The following BTBD8 variants were observed in gnomAD, a reference collection of about 807,000 sequenced individuals.
The protein encoded by BTBD8 is BTB/POZ domain-containing protein 8.
In BTBD8, 110 loss-of-function variants were observed where a neutral mutation model predicts 162.9. That is an observed-to-expected ratio of 0.68 (90% CI 0.58 to 0.79). BTBD8 has a LOEUF of 0.79. Among genes scored for constraint, BTBD8 ranks in the 30% least tolerant of loss-of-function variants. The pLI is 0.00. For missense variants in BTBD8, 1,905 were observed against 2,085.4 expected (o/e 0.91, Z 1.68); for synonymous variants, 667 against 716.1 (o/e 0.93, Z 1.10).
chr1:92,143,538 TTTGC>T (rs1557455036), intron 7 of BTBD8, among the ~76,000 whole-genome samples: 1 of 152,142 alleles, frequency 6.6e-6, no homozygotes, highest in Non-Finnish European at 1.5e-5. Context: ...GAGACAGAGT[TTTGC>T]TCTTGTTGCC....
intron 4 of BTBD8, among the ~76,000 whole-genome samples, chr1:92,129,242 C>T (rs1649445536): frequency 6.6e-6 from 1 of 152,046 alleles, no homozygotes; most frequent in South Asian, 2.1e-4. Flanking sequence ...TAAATCCCAG[C>T]ACTTCAGGAA....
chr1:92,117,241 T>G (rs1649067483), intron 4 of BTBD8, among the ~76,000 whole-genome samples: 1 of 152,048 alleles, frequency 6.6e-6, no homozygotes, highest in East Asian at 1.9e-4. Context: ...ATGTTCACAT[T>G]TTGCTGCTGC....
chr1:92,178,144 G>C (rs1412729753), intron 15 of BTBD8, among the ~76,000 whole-genome samples, 168 bp from the exon 16 acceptor site: 1 of 151,888 alleles, frequency 6.6e-6, no homozygotes, highest in South Asian at 2.1e-4. Context: ...TATTATACTT[G>C]ATCTACAGTT....
chr1:92,167,004 T>A lies in BTBD8; in HGVS notation c.1169T>A (p.Ile390Asn). The change falls in exon 10 of 18, where the codon ATC (isoleucine) becomes AAC (asparagine). Residue 390 changes from isoleucine (I) to asparagine (N), a missense_variant. Transcript: ENST00000636805. ...CTTCTGATGGAAAGTGACAGGCTAA[T>A]CATCAGTTTACCCAGAGTGAAGTGG... is the stretch of plus-strand genomic sequence containing the variant. Reference protein sequence around the residue: ...AFLLMESDRLIISLPRVKWTE... With the variant: ...AFLLMESDRLNISLPRVKWTE... 5.8e-6 allele frequency: 9 copies of A among 1,550,588 alleles called. No individual in the cohort carries two copies. Among genetic ancestry groups the A allele is most frequent in the Non-Finnish European group, 7.8e-6 (9 of 1,146,932 alleles).
chr1:92,081,628 C>T (rs1422770571), intron 1 of BTBD8, among the ~76,000 whole-genome samples: 1 of 152,106 alleles, frequency 6.6e-6, no homozygotes, highest in Admixed American at 6.5e-5. Flanking sequence ...GGCTGGAGCG[C>T]CGTGGCGCGA....
chr1:92,166,835 A>G (rs1650398572), intron 9 of BTBD8, 123 bp from the exon 10 acceptor site: 1 of 885,640 alleles, frequency 1.1e-6, no homozygotes, highest in East Asian at 2.7e-5. Flanking sequence ...CAAAGACATT[A>G]GCTACCTGGA....
At chr1:92,112,858 G>A (rs915461202) in intron 4 of BTBD8, among the ~76,000 whole-genome samples, 1 of 152,148 alleles carries the variant, frequency 6.6e-6, no homozygotes, top group Non-Finnish European at 1.5e-5. Flanking sequence ...TGGAATTAAA[G>A]CAAATAAATA....
chr1:92,124,810 T>C (rs114900806), intron 4 of BTBD8, among the ~76,000 whole-genome samples: 2,027 of 152,308 alleles, frequency 0.013, 21 homozygotes, highest in Non-Finnish European at 0.021. Context: ...AAAGAAAATA[T>C]CTTTCTTGTC....
chr1:92,087,159 CTG>C (rs1228583787), intron 1 of BTBD8, among the ~76,000 whole-genome samples: 3 of 152,088 alleles, frequency 2.0e-5, no homozygotes, highest in Non-Finnish European at 2.9e-5. Context: ...ATAAAAAACA[CTG>C]TATTTTCACA....
chr1:92,168,665 T>C (rs1175996822), intron 11 of BTBD8, among the ~76,000 whole-genome samples: 1 of 152,234 alleles, frequency 6.6e-6, no homozygotes. Context: ...GTTGAAAAGA[T>C]GAGATTTTTT....
Position 92,141,095 on chromosome 1 carries a change from T to C in BTBD8, c.834-20T>C. 1 of 1,528,876 alleles carries C rather than the reference T, an allele frequency of 6.5e-7. No homozygotes were observed. The allele number at this position is 1,528,876 out of a possible 1,614,324, so 94.7% of individuals were successfully genotyped here. A position where few individuals can be genotyped will look rare whatever the true frequency, so the allele number is the denominator to read the frequency against. ...GATTTTTAAATTGGAGAATTAACAG[T>C]GCATCTATTTTTATTTTAGTCAGAT... On this transcript the variant is annotated intron_variant, in intron 6 of 17. Coordinates refer to ENST00000636805, the MANE Select transcript of BTBD8 (RefSeq NM_001376131.1).
At chr1:92,169,553 A>G (rs761171464) in intron 12 of BTBD8, among the ~76,000 whole-genome samples, 2 of 152,148 alleles carry the variant, frequency 1.3e-5, no homozygotes, top group Non-Finnish European at 2.9e-5. Context: ...CAAAAGATGT[A>G]TATTGCTCAG....
chr1:92,155,588 A>C (rs554445293), intron 9 of BTBD8, among the ~76,000 whole-genome samples: 24 of 152,214 alleles, frequency 1.6e-4, no homozygotes, highest in African/African-American at 5.8e-4. Flanking sequence ...TACAGGCATA[A>C]GCCACTGTGC....
At chr1:92,158,931 A>AT (rs954501313) in intron 9 of BTBD8, among the ~76,000 whole-genome samples, 6 of 151,912 alleles carry the variant, frequency 3.9e-5, no homozygotes, top group Admixed American at 6.6e-5. Context: ...TAACTTTTGT[A>AT]TTTTTTGTAG....
At chr1:92,133,416 G>C (rs1009886577) in intron 5 of BTBD8, among the ~76,000 whole-genome samples, 4 of 152,182 alleles carry the variant, frequency 2.6e-5, no homozygotes, top group Non-Finnish European at 5.9e-5. Context: ...AGAGAGAAAA[G>C]GGTTCAAGTG....
At chr1:92,130,224 A>G (rs1262335323) in intron 5 of BTBD8, among the ~76,000 whole-genome samples, 1 of 152,188 alleles carries the variant, frequency 6.6e-6, no homozygotes, top group Non-Finnish European at 1.5e-5. Context: ...TCAAGGACCC[A>G]TGTGACCTCA....
intron 3 of BTBD8, among the ~76,000 whole-genome samples, chr1:92,106,536 C>T (rs1648731545): frequency 6.6e-6 from 1 of 151,580 alleles, no homozygotes; most frequent in African/African-American, 2.4e-5. Flanking sequence ...TGGCATACAC[C>T]TGTAGTCCCA....
intron 4 of BTBD8, among the ~76,000 whole-genome samples, chr1:92,127,648 C>T (rs1307674700): frequency 6.6e-6 from 1 of 152,024 alleles, no homozygotes; most frequent in Non-Finnish European, 1.5e-5. Context: ...GATCTCTGCT[C>T]ACTGCAACCT....
chr1:92,146,546 C>G (rs1348392255), intron 7 of BTBD8, among the ~76,000 whole-genome samples: 3 of 152,136 alleles, frequency 2.0e-5, no homozygotes, highest in African/African-American at 7.2e-5. Context: ...TGACATGTAT[C>G]TACCATTATA....
Sources: gnomAD v4.1 joint callset for allele counts (sites outside exome capture counted in the v4.1 genomes callset) on GRCh38, gnomAD v4.1.1 for gene constraint, MANE v1.5 for transcripts, NCBI Gene and HGNC (gene_info 2026-07-23, HGNC 2026-07-21) for gene names.